Variants in WDR74 observed in about 807,000 individuals in gnomAD.
WDR74 encodes the protein WD repeat-containing protein 74.
In WDR74, 31 loss-of-function variants were observed where a neutral mutation model predicts 45.6. That is an observed-to-expected ratio of 0.68 (90% CI 0.51 to 0.92). WDR74 has a LOEUF of 0.92. Ranked by LOEUF, WDR74 falls within the 40% of genes least tolerant of loss-of-function variation. The pLI, the probability that WDR74 is intolerant of heterozygous loss-of-function variation, is 0.00. For missense variants in WDR74, 455 were observed against 497.2 expected, an observed-to-expected ratio of 0.92 and a Z score of 0.81; for synonymous variants, 191 against 192.4, an observed-to-expected ratio of 0.99 and a Z score of 0.06.
intron 10 of WDR74, 111 bp from the exon 11 acceptor site, chr11:62,833,242 C>CT (rs2084900003): frequency 1.1e-6 from 1 of 914,542 alleles, no homozygotes; most frequent in African/African-American, 1.9e-5. Flanking sequence ...GAGCCCAGGA[C>CT]TTAGCGACCA....
chr11:62,841,479 A>G (rs550463478), upstream of WDR74: 6 of 152,224 alleles, frequency 3.9e-5, no homozygotes, highest in African/African-American at 9.6e-5. Context: ...TTCTCTCAAC[A>G]AGACACTCAA....
intron 3 of WDR74, 143 bp downstream of exon 3, chr11:62,838,971 C>T: frequency 8.5e-7 from 1 of 1,173,302 alleles, no homozygotes; most frequent in Non-Finnish European, 1.2e-6. Context: ...CAGGTATGAA[C>T]TACATAAGGC....
intron 3 of WDR74, among the ~76,000 whole-genome samples, chr11:62,838,592 C>T (rs2084993735): frequency 6.6e-6 from 1 of 151,828 alleles, no homozygotes; most frequent in South Asian, 2.1e-4. Flanking sequence ...AACCCCGTCT[C>T]TACTAAAGAT....
upstream of WDR74, among the ~76,000 whole-genome samples, chr11:62,841,377 A>C (rs558940433): frequency 5.3e-5 from 8 of 152,216 alleles, no homozygotes; most frequent in Admixed American, 4.6e-4. Flanking sequence ...GCAAGCGCTC[A>C]ATAGTTCCAA....
chr11:62,838,372 C>G (rs2134894788), intron 3 of WDR74, among the ~76,000 whole-genome samples: 1 of 151,858 alleles, frequency 6.6e-6, no homozygotes, highest in Non-Finnish European at 1.5e-5. Flanking sequence ...CCAGGCTGGT[C>G]TTGAACTCCT....
rs200297051 is a variant in WDR74, at chr11:62,835,460, T to C, written c.589A>G (p.Lys197Glu). Residue 197 changes from lysine to glutamate, a missense_variant, in exon 6 of 11, where the codon AAG becomes GAG. Lys to Glu is a moderately conservative substitution (Grantham distance 56, BLOSUM62 1). Transcript: ENST00000278856. ...TGGTACCCTGTGCAGGTGACAAGCT[T>C]CTGTGATCCTGGGAGAAACTGTATG... ...QDIQFLPGSQKLVTCTGYHQV... is the reference protein window; with the variant it reads ...QDIQFLPGSQELVTCTGYHQV... 3.6e-5 allele frequency: 58 copies of C among 1,613,966 alleles called. No individual in the cohort carries two copies. The African/African-American group carries it at 7.5e-4, about 21-fold the overall frequency.
Position 62,835,854 on chromosome 11 carries a change from G to A in WDR74, c.370-13C>T. The stretch of plus-strand genomic sequence containing the variant: ...TCAGTTCCAGGAGCTGTAAAGAATA[G>A]GAGATAAGAGTCCGTTCCAGAGTCC... On this transcript the variant is annotated splice_polypyrimidine_tract_variant and intron_variant, in intron 4 of 10. Coordinates refer to ENST00000278856, the MANE Select transcript of WDR74 (RefSeq NM_001369450.1). The A allele has an allele frequency of 6.2e-7, 1 of 1,606,242 alleles. No individual in the cohort carries two copies. Among genetic ancestry groups the A allele is most frequent in the Non-Finnish European group, 8.5e-7 (1 of 1,176,206 alleles).
intron 3 of WDR74, 67 bp downstream of exon 3, chr11:62,839,047 C>T (rs1031692657): frequency 6.3e-7 from 1 of 1,593,868 alleles, no homozygotes; most frequent in Middle Eastern, 2.2e-4. Flanking sequence ...CGCCATCATT[C>T]CAGTATCCTC....
At position 62,839,514 on chromosome 11, in the gene WDR74, G is replaced by T. The variant is rs751927322; in HGVS notation, c.57C>A (p.Ile19=). ...NHVWVGTETG[I]LKGVNLQRKQ... is the part of the protein sequence containing the mutation. ...CCCGAGCCTGCCACCCACCTTTCAA[G>T]ATCCCAGTCTCGGTGCCGACCCACA... The change falls in exon 1 of 11, where the codon ATC becomes ATA. Residue 19 remains isoleucine (I), a synonymous_variant. Transcript: ENST00000278856. 6.2e-7 allele frequency: 1 copy of T among 1,613,674 alleles called. No individual in the cohort carries two copies. The highest frequency in any genetic ancestry group is 2.2e-5 in the East Asian group (1 of 44,884).
Position 62,835,943 on chromosome 11 carries a change from A to G in WDR74, c.369+18T>C. 1 of 1,588,310 alleles carries G rather than the reference A, an allele frequency of 6.3e-7. No individual in the cohort carries two copies. Among genetic ancestry groups the G allele is most frequent in the Non-Finnish European group, 8.6e-7 (1 of 1,167,066 alleles). ...CCCCAGCCCACCTCCCCCAACCATC[A>G]GGGCAGGGGAGCCTCACTGGGTCAG... On this transcript the variant is annotated intron_variant, in intron 4 of 10. Coordinates refer to ENST00000278856, the MANE Select transcript of WDR74 (RefSeq NM_001369450.1).
At chr11:62,840,983 G>C (rs559774116), upstream of WDR74, among the ~76,000 whole-genome samples, 2 of 152,054 alleles carry the variant, frequency 1.3e-5, no homozygotes, top group South Asian at 4.2e-4. Flanking sequence ...AGGAGATCGA[G>C]ACCATCCTGG....
chr11:62,835,656 C>G (rs756785561), intron 5 of WDR74, 39 bp downstream of exon 5: 1 of 1,613,926 alleles, frequency 6.2e-7, no homozygotes, highest in Admixed American at 1.7e-5. Context: ...CAGCCTCCCT[C>G]GACTTCAGGA....
chr11:62,836,034 G>T lies in WDR74; in HGVS notation c.296C>A (p.Thr99Asn), dbSNP rs775928075. ...CCCAGAATCCACACATGTGATGAGG[G>T]TGCTGCAGAGAAAGGATAGAGTTGG... is the stretch of plus-strand genomic sequence containing the variant. ...MFRGLAQADG[T>N]LITCVDSGIL... Residue 99 changes from threonine to asparagine, a missense_variant and splice_region_variant, in exon 4 of 11, where the codon ACC (threonine) becomes AAC (asparagine). By Grantham distance (65) the Thr-to-Asn change is moderately conservative. Coordinates refer to ENST00000278856, the MANE Select transcript of WDR74 (RefSeq NM_001369450.1). 1.3e-6 allele frequency: 2 copies of T among 1,585,662 alleles called. No individual in the cohort carries two copies. The highest frequency in any genetic ancestry group is 1.3e-5 in the African/African-American group (1 of 74,488).
chr11:62,834,391 C>CGGCG, intron 7 of WDR74, 36 bp downstream of exon 7: 1 of 699,832 alleles, frequency 1.4e-6, no homozygotes, highest in Non-Finnish European at 2.4e-6. Flanking sequence ...CCTTCTCAAG[C>CGGCG]CCCACCCTCC....
intron 3 of WDR74, among the ~76,000 whole-genome samples, chr11:62,837,515 C>CAA (rs367604130): frequency 8.5e-4 from 111 of 130,468 alleles, no homozygotes; most frequent in East Asian, 2.2e-3. Flanking sequence ...AAACAAAAAA[C>CAA]AAAAAAAAAA....
chr11:62,833,316 A>G (rs551922010), intron 10 of WDR74, among the ~76,000 whole-genome samples, 185 bp from the exon 11 acceptor site: 8 of 150,250 alleles, frequency 5.3e-5, no homozygotes, highest in African/African-American at 1.5e-4. Flanking sequence ...AAAAAAAAAA[A>G]AAAAAAAGAA....
chr11:62,837,666 A>G (rs554439823), intron 3 of WDR74, among the ~76,000 whole-genome samples: 1 of 152,052 alleles, frequency 6.6e-6, no homozygotes, highest in African/African-American at 2.4e-5. Flanking sequence ...ACCAGTCAAA[A>G]TTCTACCCAT....
At chr11:62,837,497 T>TAA (rs529425773) in intron 3 of WDR74, among the ~76,000 whole-genome samples, 1 of 100,204 alleles carries the variant, frequency 1.0e-5, no homozygotes, top group African/African-American at 3.8e-5. Flanking sequence ...ACTCCGTATA[T>TAA]AAAAAAAAAA....
chr11:62,840,409 G>A (rs537165501), upstream of WDR74: 1 of 151,772 alleles, frequency 6.6e-6, no homozygotes, highest in South Asian at 2.1e-4. Flanking sequence ...CGTGAACCCG[G>A]GAGGAGGAGC....
Sources: allele counts gnomAD v4.1 joint callset (sites outside exome capture counted in the v4.1 genomes callset), GRCh38; gene constraint gnomAD v4.1.1; transcripts MANE v1.5; gene names NCBI Gene and HGNC (gene_info 2026-07-23, HGNC 2026-07-21).